NLGN1: variants seen among roughly 807,000 people sequenced by gnomAD.
NLGN1 encodes the protein neuroligin-1.
In NLGN1, 12 loss-of-function variants were observed where a neutral mutation model predicts 65.5. The observed-to-expected ratio is 0.18, with a 90% CI of 0.12 to 0.30. NLGN1 has a LOEUF of 0.30. NLGN1 is among the 10% of genes least tolerant of loss of function. NLGN1 has a pLI of 1.00. For missense variants in NLGN1, 750 were observed against 1,007.1 expected (o/e 0.74, Z 3.46); for synonymous variants, 350 against 359.5 (o/e 0.97, Z 0.30).
chr3:173,514,270 G>C (rs541329596), intron 2 of NLGN1, among the ~76,000 whole-genome samples: 1 of 152,178 alleles, frequency 6.6e-6, no homozygotes, highest in African/African-American at 2.4e-5. Flanking sequence ...GGGTACAGGT[G>C]GTTTTTGGTT....
chr3:173,661,087 G>A (rs1190097834), intron 3 of NLGN1, among the ~76,000 whole-genome samples: 1 of 151,966 alleles, frequency 6.6e-6, no homozygotes, highest in Non-Finnish European at 1.5e-5. Context: ...GATTGTTCAT[G>A]CCTTTCATTC....
At chr3:173,953,808 G>T (rs1424867390) in intron 4 of NLGN1, among the ~76,000 whole-genome samples, 2 of 152,094 alleles carry the variant, frequency 1.3e-5, no homozygotes, top group Admixed American at 6.6e-5. Flanking sequence ...CCTCCCAGGT[G>T]CTGGGGTTAC....
chr3:173,847,820 C>A (rs1726082177), intron 4 of NLGN1, among the ~76,000 whole-genome samples: 1 of 151,982 alleles, frequency 6.6e-6, no homozygotes, highest in African/African-American at 2.4e-5. Context: ...TGCAGTGAAC[C>A]AAGATCACAT....
chr3:174,145,084 G>A (rs1722961408), intron 4 of NLGN1, among the ~76,000 whole-genome samples: 1 of 152,024 alleles, frequency 6.6e-6, no homozygotes, highest in Non-Finnish European at 1.5e-5. Flanking sequence ...TTTGTATAAG[G>A]TGTAAGGAAG....
intron 4 of NLGN1, among the ~76,000 whole-genome samples, chr3:173,863,583 G>C (rs1036502188): frequency 1.3e-5 from 2 of 152,162 alleles, no homozygotes; most frequent in Non-Finnish European, 2.9e-5. Flanking sequence ...TAGACAATAA[G>C]CCTCAGTCAT....
chr3:174,056,345 A>T (rs75374284), intron 4 of NLGN1, among the ~76,000 whole-genome samples: 9,923 of 151,826 alleles, frequency 0.065, 548 homozygotes, highest in African/African-American at 0.15. Context: ...GATTTTTTTT[A>T]AAAAAGCTTC....
chr3:173,774,573 C>T (rs557102876), intron 3 of NLGN1, among the ~76,000 whole-genome samples: 33 of 152,152 alleles, frequency 2.2e-4, no homozygotes, highest in Non-Finnish European at 4.3e-4. Context: ...GCTCTCTGGA[C>T]TCACTTCCAC....
At chr3:173,823,335 GAAAA>G (rs1321482070) in intron 4 of NLGN1, among the ~76,000 whole-genome samples, 2 of 151,864 alleles carry the variant, frequency 1.3e-5, no homozygotes, top group Admixed American at 1.3e-4. Context: ...AGAAAAGTAA[GAAAA>G]AATAGATAAA....
chr3:173,872,528 A>G (rs1016093181), intron 4 of NLGN1, among the ~76,000 whole-genome samples: 11 of 152,212 alleles, frequency 7.2e-5, no homozygotes, highest in South Asian at 2.1e-4. Context: ...TGCTTTTACT[A>G]TAGAAAAGAC....
At chr3:174,232,369 T>C (rs907183481) in intron 4 of NLGN1, among the ~76,000 whole-genome samples, 1 of 152,128 alleles carries the variant, frequency 6.6e-6, no homozygotes, top group African/African-American at 2.4e-5. Flanking sequence ...AGGCAGGAAC[T>C]GGCCATCTGG....
intron 4 of NLGN1, among the ~76,000 whole-genome samples, chr3:174,025,621 C>G (rs1319667970): frequency 8.6e-5 from 13 of 151,912 alleles, no homozygotes; most frequent in Admixed American, 7.9e-4. Context: ...TTTAAACTTG[C>G]TAGTAAATAG....
chr3:173,695,469 TC>T (rs373786313), intron 3 of NLGN1: 6 of 225,226 alleles, frequency 2.7e-5, no homozygotes, highest in African/African-American at 1.1e-4. Flanking sequence ...GATTTTTTTT[TC>T]AATCCATTTA....
chr3:174,178,325 A>G (rs1360674628), intron 4 of NLGN1, among the ~76,000 whole-genome samples: 1 of 152,154 alleles, frequency 6.6e-6, no homozygotes, highest in Non-Finnish European at 1.5e-5. Context: ...CTGTTCCAAC[A>G]TCTACTGTGA....
chr3:174,064,387 A>G (rs1411565886), intron 4 of NLGN1, among the ~76,000 whole-genome samples: 1 of 151,980 alleles, frequency 6.6e-6, no homozygotes, highest in African/African-American at 2.4e-5. Context: ...GCCTATCATC[A>G]TAACTACATT....
chr3:174,112,869 A>G (rs553945888), intron 4 of NLGN1, among the ~76,000 whole-genome samples: 1 of 152,066 alleles, frequency 6.6e-6, no homozygotes, highest in African/African-American at 2.4e-5. Flanking sequence ...GTCAGTGAAC[A>G]TATGAATTCA....
At chr3:173,425,031 C>T (rs11922939) in intron 1 of NLGN1, among the ~76,000 whole-genome samples, 6,242 of 152,164 alleles carry the variant, frequency 0.041, 420 homozygotes, top group African/African-American at 0.14. Context: ...GCTGGGGGGC[C>T]TCAGGAAACT....
chr3:173,722,841 C>T (rs1429346403), intron 3 of NLGN1, among the ~76,000 whole-genome samples: 1 of 152,074 alleles, frequency 6.6e-6, no homozygotes, highest in Non-Finnish European at 1.5e-5. Context: ...AGAGCATCTA[C>T]TATGTGCCAG....
intron 4 of NLGN1, among the ~76,000 whole-genome samples, chr3:174,030,522 G>C (rs1027688689): frequency 6.6e-5 from 10 of 152,160 alleles, no homozygotes; most frequent in Non-Finnish European, 1.3e-4. Context: ...TTCCGTGTAA[G>C]CTGTGTCTGA....
intron 4 of NLGN1, among the ~76,000 whole-genome samples, chr3:174,095,092 C>T (rs1480121495): frequency 1.3e-5 from 2 of 151,990 alleles, no homozygotes; most frequent in Admixed American, 1.3e-4. Flanking sequence ...AAGCCTTTTC[C>T]TGCCTGAGTA....
Sources: gnomAD v4.1 joint callset for allele counts (sites outside exome capture counted in the v4.1 genomes callset) on GRCh38, gnomAD v4.1.1 for gene constraint, MANE v1.5 for transcripts, NCBI Gene and HGNC (gene_info 2026-07-23, HGNC 2026-07-21) for gene names.